TMEM132D: variants seen among roughly 807,000 people sequenced by gnomAD.
TMEM132D encodes the protein mature OL transmembrane protein.
TMEM132D carries 21 observed loss-of-function variants against 62.3 expected under a neutral mutation model. The observed-to-expected ratio is 0.34, with a 90% CI of 0.24 to 0.49. The LOEUF is 0.49. Among genes scored for constraint, TMEM132D ranks in the 20% least tolerant of loss-of-function variants. The pLI is 0.99. For synonymous variants in TMEM132D, 621 were observed against 575.6 expected (o/e 1.08, Z -1.13); for missense variants, 1,346 against 1,402.8 (o/e 0.96, Z 0.65).
At chr12:129,669,731 A>T (rs1395877257) in intron 2 of TMEM132D, among the ~76,000 whole-genome samples, 1 of 87,496 alleles carries the variant, frequency 1.1e-5, no homozygotes, top group African/African-American at 3.7e-5. Flanking sequence ...TAAATAAATA[A>T]ATAAATAAAC....
intron 2 of TMEM132D, among the ~76,000 whole-genome samples, chr12:129,637,381 T>C (rs1879511192): frequency 6.6e-6 from 1 of 152,176 alleles, no homozygotes; most frequent in Non-Finnish European, 1.5e-5. Flanking sequence ...AGCTCTCATG[T>C]TGAATTGTAA....
chr12:129,308,177 C>T lies in TMEM132D; in HGVS notation c.1299+29457G>A, dbSNP rs371559102. Among the ~76,000 whole-genome samples, 7 of 152,290 alleles carry T rather than the reference C, an allele frequency of 4.6e-5. No individual in the cohort carries two copies. In the East Asian group the frequency reaches 7.7e-4, roughly 17 times the overall value. ...TCCTCTTTACCTAATCTTTAATTCT[C>T]GATCACAATATTGTTATATGTTAAA... On this transcript the variant is annotated intron_variant, in intron 4 of 8. Transcript: ENST00000422113.
chr12:129,212,644 A>T (rs1201836152), intron 4 of TMEM132D: 1 of 152,212 alleles, frequency 6.6e-6, no homozygotes, highest in African/African-American at 2.4e-5. Context: ...AAATAAAGGC[A>T]CAGACTCTCT....
intron 5 of TMEM132D, among the ~76,000 whole-genome samples, chr12:129,119,077 C>G (rs1019217828): frequency 2.0e-5 from 3 of 152,188 alleles, no homozygotes; most frequent in Non-Finnish European, 4.4e-5. Context: ...TTGGCTGTTT[C>G]ATGAGAGGAG....
intron 3 of TMEM132D, among the ~76,000 whole-genome samples, chr12:129,383,624 A>C (rs1277275799): frequency 1.3e-5 from 2 of 152,132 alleles, no homozygotes; most frequent in Non-Finnish European, 2.9e-5. Flanking sequence ...TTTTTAGTAG[A>C]GACAGGGTTT....
rs745974599 is a variant in TMEM132D at position 129,242,844 on chromosome 12, A to AAT, written c.1300-33182_1300-33181insAT. Among the ~76,000 whole-genome samples the AAT allele has an allele frequency of 6.6e-5, 10 of 152,196 alleles. 1 individual carries two copies. The highest frequency in any genetic ancestry group is 1.5e-4 in the Non-Finnish European group (10 of 68,042). ...AAGTTCTTTAATCGTTTAAACTGTT[A>AAT]TTGAGCTCTTCCAAAATGCTAGGAA... On this transcript the variant is annotated intron_variant, in intron 4 of 8. Coordinates refer to ENST00000422113, the MANE Select transcript of TMEM132D (RefSeq NM_133448.3).
In TMEM132D at chr12:129,699,887, CTT is replaced by C; in HGVS notation, c.889_890del (p.Lys297AspfsTer20). 1 of 1,614,194 alleles carries C rather than the reference CTT, an allele frequency of 6.2e-7. No homozygotes were observed. Among genetic ancestry groups the C allele is most frequent in the East Asian group, 2.2e-5 (1 of 44,884 alleles). ...DNSVAIHYIP[K>X]TVRKGDVLTF... The stretch of plus-strand genomic sequence containing the variant: ...TCAGCACGTCTCCTTTCCTCACGGT[CTT>C]TGGTATATAGTGGATGGCCACGCTG... On this transcript the variant is annotated frameshift_variant, in exon 2 of 9. Coordinates refer to ENST00000422113, the MANE Select transcript of TMEM132D (RefSeq NM_133448.3). LOFTEE classifies it high-confidence loss of function.
chr12:129,698,222 T>C (rs1291720060), intron 2 of TMEM132D: 1 of 151,920 alleles, frequency 6.6e-6, no homozygotes, highest in Non-Finnish European at 1.5e-5. Flanking sequence ...CTAGATCCGA[T>C]TTCCAGAAGG....
At position 129,562,546 on chromosome 12, in the gene TMEM132D, G is replaced by A. The variant is rs368702858; in HGVS notation, c.969-31341C>T. 1.1e-3 allele frequency among the ~76,000 whole-genome samples: 160 copies of A among 152,318 alleles called. 1 individual carries two copies. The highest frequency in any genetic ancestry group is 3.7e-3 in the African/African-American group (152 of 41,574). On this transcript the variant is annotated intron_variant, in intron 2 of 8. Transcript: ENST00000422113. ...TATAAATATCTGTACTCTTACAGAA[G>A]GAAGACCCAGACTCAAGATCTAGAG...
intron 1 of TMEM132D, among the ~76,000 whole-genome samples, chr12:129,894,387 G>A (rs1297426570): frequency 6.6e-6 from 1 of 152,156 alleles, no homozygotes; most frequent in African/African-American, 2.4e-5. Context: ...GATTTGGGAG[G>A]GGACTCAGCC....
At chr12:129,347,552 A>G (rs1160608183) in intron 3 of TMEM132D, among the ~76,000 whole-genome samples, 3 of 152,212 alleles carry the variant, frequency 2.0e-5, no homozygotes, top group Admixed American at 2.0e-4. Context: ...CTTATACAAA[A>G]ATTAACTCAA....
intron 4 of TMEM132D, among the ~76,000 whole-genome samples, chr12:129,256,406 A>G (rs1880400831): frequency 1.3e-5 from 2 of 151,968 alleles, no homozygotes; most frequent in Non-Finnish European, 2.9e-5. Context: ...AATTCTGGGT[A>G]TCCAGAGTAA....
intron 2 of TMEM132D, among the ~76,000 whole-genome samples, chr12:129,595,611 T>C (rs1408343256): frequency 6.6e-6 from 1 of 152,260 alleles, no homozygotes; most frequent in Non-Finnish European, 1.5e-5. Flanking sequence ...GGCATGACTC[T>C]AAGCTGGTTC....
At chr12:129,232,829 A>AAGAGAG (rs138298025) in intron 4 of TMEM132D, among the ~76,000 whole-genome samples, 4 of 149,672 alleles carry the variant, frequency 2.7e-5, no homozygotes, top group Admixed American at 2.0e-4. Flanking sequence ...GAGAGAGATA[A>AAGAGAG]AGAGAGAGAG....
At chr12:129,715,105 C>T (rs144444189) in intron 1 of TMEM132D, among the ~76,000 whole-genome samples, 7 of 152,228 alleles carry the variant, frequency 4.6e-5, no homozygotes, top group Non-Finnish European at 7.4e-5. Context: ...GATTTAACAG[C>T]TTAAAGAAAT....
chr12:129,217,871 C>T (rs934684745), intron 4 of TMEM132D, among the ~76,000 whole-genome samples: 1 of 152,096 alleles, frequency 6.6e-6, no homozygotes, highest in Non-Finnish European at 1.5e-5. Flanking sequence ...TTTTGCTTTT[C>T]CTACCTCCTT....
At chr12:129,328,639 A>G (rs1324420195) in intron 4 of TMEM132D, among the ~76,000 whole-genome samples, 1 of 152,134 alleles carries the variant, frequency 6.6e-6, no homozygotes, top group African/African-American at 2.4e-5. Flanking sequence ...TAAATAATTC[A>G]TTTTCAGATG....
rs113927638 is a variant in TMEM132D at position 129,731,954 on chromosome 12, G to C, written c.80-31256C>G. Among the ~76,000 whole-genome samples, 1,389 of 152,276 alleles carry C rather than the reference G, an allele frequency of 9.1e-3. 21 individuals carry two copies. The highest frequency in any genetic ancestry group is 0.032 in the African/African-American group (1,326 of 41,570). On this transcript the variant is annotated intron_variant, in intron 1 of 8. Transcript: ENST00000422113. The stretch of plus-strand genomic sequence containing the variant: ...TGGGATTACAGGCGTGAGCCACCGT[G>C]CCCGGCCAGAAATTTTTTTTAGTAT...
chr12:129,527,997 T>C (rs1212928027), intron 3 of TMEM132D, among the ~76,000 whole-genome samples: 1 of 152,196 alleles, frequency 6.6e-6, no homozygotes, highest in Admixed American at 6.5e-5. Flanking sequence ...TTAACTTCAT[T>C]AACACAACTT....
Sources: allele counts gnomAD v4.1 joint callset (sites outside exome capture counted in the v4.1 genomes callset), GRCh38; gene constraint gnomAD v4.1.1; transcripts MANE v1.5; gene names NCBI Gene and HGNC (gene_info 2026-07-23, HGNC 2026-07-21).